TAF11: variants seen among roughly 807,000 people sequenced by gnomAD.
TAF11 encodes the protein TATA-box binding protein associated factor 11, also known as transcription initiation factor TFIID subunit 11.
TAF11 carries 10 observed loss-of-function variants against 23.0 expected under a neutral mutation model. The ratio of observed to expected loss-of-function variants is 0.43; its 90% CI spans 0.27 to 0.74. The LOEUF is 0.74. TAF11 is among the 30% of genes least tolerant of loss of function. TAF11 has a pLI of 0.19. For missense variants in TAF11, 196 were observed against 261.7 expected, an observed-to-expected ratio of 0.75 and a Z score of 1.73; for synonymous variants, 85 against 95.8, an observed-to-expected ratio of 0.89 and a Z score of 0.66.
rs1766475257 is a variant in TAF11, at chr6:34,883,262, T to C, written c.172-182A>G. The C allele has an allele frequency of 3.1e-5, 17 of 546,422 alleles. 1 individual carries two copies. In the South Asian group the frequency reaches 4.8e-4, roughly 15 times the overall value. 33.8% of individuals were successfully genotyped at this position (546,422 alleles called of 1,614,324 possible). ...ATCTCTCCTAAGGGAAGATTATGGCTCAGCTATGGAAAGAAAACCTGCTAA... is the reference window on the plus strand; with the variant it reads ...ATCTCTCCTAAGGGAAGATTATGGCCCAGCTATGGAAAGAAAACCTGCTAA... On this transcript the variant is annotated intron_variant, in intron 1 of 4. Coordinates refer to ENST00000361288, the MANE Select transcript of TAF11 (RefSeq NM_005643.4).
chr6:34,884,170 CCCATCAATGGT>C (rs1239889475), intron 1 of TAF11, among the ~76,000 whole-genome samples: 1 of 152,186 alleles, frequency 6.6e-6, no homozygotes, highest in African/African-American at 2.4e-5. Flanking sequence ...AACCTAAATG[CCCATCAATGGT>C]AGACTGGATA....
intron 1 of TAF11, among the ~76,000 whole-genome samples, chr6:34,885,096 G>T (rs1766505215): frequency 7.3e-6 from 1 of 137,206 alleles, no homozygotes; most frequent in Non-Finnish European, 1.5e-5. Flanking sequence ...GATTTATTTT[G>T]TTCTTTATCT....
At chr6:34,886,083 G>T (rs1285412242) in intron 1 of TAF11, among the ~76,000 whole-genome samples, 1 of 152,140 alleles carries the variant, frequency 6.6e-6, no homozygotes, top group East Asian at 1.9e-4. Flanking sequence ...AGCCGAGATT[G>T]CGCCATTGCA....
At position 34,887,999 on chromosome 6, in the gene TAF11, T is replaced by C. The variant is rs1267287328; in HGVS notation, c.-42A>G. The C allele has an allele frequency of 6.2e-7, 1 of 1,610,600 alleles. No individual in the cohort carries two copies. The highest frequency in any genetic ancestry group is 1.1e-5 in the South Asian group (1 of 90,978). On this transcript the variant is annotated 5_prime_UTR_variant, in exon 1 of 5. Transcript: ENST00000361288. ...GGGGAGAGGAGATCGCGGAGATGCCTGAGGCAGAAGCTCGGAAACCCGAGC... is the reference window on the plus strand; with the variant it reads ...GGGGAGAGGAGATCGCGGAGATGCCCGAGGCAGAAGCTCGGAAACCCGAGC...
rs908567848 is a variant in TAF11, at chr6:34,877,810, C to T, written c.*780G>A. The T allele has an allele frequency of 3.9e-5, 6 of 152,100 alleles. No homozygotes were observed. Among genetic ancestry groups the T allele is most frequent in the African/African-American group, 1.4e-4 (6 of 41,406 alleles). The allele number at this position is 152,100 out of a possible 1,614,324, so 9.4% of individuals were successfully genotyped here. On this transcript the variant is annotated 3_prime_UTR_variant, in exon 5 of 5. Transcript: ENST00000361288. ...GGAAAACAGTTTAATGATCACTCAC[C>T]AAAATCCACAGGAGAATCTTAAATG...
Position 34,882,959 on chromosome 6 carries a change from A to C in TAF11, c.293T>G (p.Val98Gly). Residue 98 changes from valine to glycine, a missense_variant, in exon 2 of 5, where the codon GTA becomes GGA. Val to Gly is a moderately radical substitution (Grantham distance 109, BLOSUM62 -3). Coordinates refer to ENST00000361288, the MANE Select transcript of TAF11 (RefSeq NM_005643.4). The part of the protein sequence containing the change: ...TKEKKEKKQK[V>G]DEDEIQKMQI... ...CATCTTCTGAATCTCATCTTCATCT[A>C]CTTTCTGCTTTTTCTCTTTCTTTTC... 6.2e-7 allele frequency: 1 copy of C among 1,608,108 alleles called. No individual in the cohort carries two copies. The highest frequency in any genetic ancestry group is 8.5e-7 in the Non-Finnish European group (1 of 1,178,226).
intron 2 of TAF11, among the ~76,000 whole-genome samples, chr6:34,882,326 G>A (rs900095170): frequency 2.8e-5 from 4 of 141,264 alleles, no homozygotes; most frequent in Non-Finnish European, 6.1e-5. Context: ...CAACGAGAGC[G>A]AAACTCTGTC....
chr6:34,881,615 TTATAGA>T (rs1350218034), intron 2 of TAF11, among the ~76,000 whole-genome samples: 1 of 152,170 alleles, frequency 6.6e-6, no homozygotes, highest in South Asian at 2.1e-4. Context: ...AAAAAAAAAT[TTATAGA>T]TATATATGTA....
intron 1 of TAF11, 54 bp from the exon 2 acceptor site, chr6:34,883,134 G>T: frequency 3.2e-6 from 5 of 1,558,326 alleles, no homozygotes; most frequent in Non-Finnish European, 4.3e-6. Context: ...CCAGGCTTGG[G>T]CAAAGTAAGA....
Position 34,882,952 on chromosome 6 carries a change from T to G in TAF11, c.300A>C (p.Glu100Asp). 6.2e-7 allele frequency: 1 copy of G among 1,606,628 alleles called. No individual in the cohort carries two copies. The change falls in exon 2 of 5, where the codon GAA (glutamate) becomes GAC (aspartate). Residue 100 changes from glutamate to aspartate, a missense_variant. By Grantham distance (45) the Glu-to-Asp change is conservative. Coordinates refer to ENST00000361288, the MANE Select transcript of TAF11 (RefSeq NM_005643.4). ...CTTACTGCATCTTCTGAATCTCATC[T>G]TCATCTACTTTCTGCTTTTTCTCTT... ...EKKEKKQKVD[E>D]DEIQKMQILV... is the part of the protein sequence containing the mutation.
chr6:34,885,671 C>G (rs1480430338), intron 1 of TAF11, among the ~76,000 whole-genome samples: 1 of 152,136 alleles, frequency 6.6e-6, no homozygotes, highest in Non-Finnish European at 1.5e-5. Flanking sequence ...TCCTTGACAC[C>G]TGTTTTAAAG....
At chr6:34,886,093 AC>A (rs1766519862) in intron 1 of TAF11, among the ~76,000 whole-genome samples, 2 of 152,308 alleles carry the variant, frequency 1.3e-5, no homozygotes, top group South Asian at 2.1e-4. Flanking sequence ...GCGCCATTGC[AC>A]TCCAGCCTGG....
intron 1 of TAF11, among the ~76,000 whole-genome samples, chr6:34,885,283 T>C (rs1489897392): frequency 6.6e-6 from 1 of 152,046 alleles, no homozygotes; most frequent in East Asian, 1.9e-4. Flanking sequence ...CTTCTGGCTG[T>C]TAATAAAAAT....
intron 2 of TAF11, among the ~76,000 whole-genome samples, chr6:34,882,667 A>AAACAT (rs760852965): frequency 5.9e-5 from 9 of 152,134 alleles, no homozygotes; most frequent in Admixed American, 4.6e-4. Flanking sequence ...ATAAAAAAAA[A>AAACAT]AACATAACAT....
intron 1 of TAF11, among the ~76,000 whole-genome samples, chr6:34,885,443 G>A (rs1302531762): frequency 1.3e-5 from 2 of 152,000 alleles, no homozygotes; most frequent in Non-Finnish European, 2.9e-5. Flanking sequence ...TGGGGGAGAA[G>A]CTTTTTGTAG....
Position 34,887,846 on chromosome 6 carries a change from C to G in TAF11, c.112G>C (p.Glu38Gln). ...ACATCTGCGTCTCCGTCAGTTTCCT[C>G]TGGGATTCCATCGGTGTCGGTAGCC... ...PGATDTDGIP[E>Q]ETDGDADVDL... Residue 38 changes from glutamate (E) to glutamine (Q), a missense_variant, in exon 1 of 5, where the codon GAG becomes CAG. Glu to Gln is a conservative substitution (Grantham distance 29, BLOSUM62 2). Transcript: ENST00000361288. 1.9e-6 allele frequency: 3 copies of G among 1,614,242 alleles called. No homozygotes were observed. The highest frequency in any genetic ancestry group is 2.5e-6 in the Non-Finnish European group (3 of 1,180,040).
intron 4 of TAF11, among the ~76,000 whole-genome samples, chr6:34,879,079 C>A (rs1766369376): frequency 6.6e-6 from 1 of 152,012 alleles, no homozygotes; most frequent in Non-Finnish European, 1.5e-5. Context: ...GTGGTGCGCA[C>A]CTGTGGTCTC....
chr6:34,878,404 A>G lies in TAF11; in HGVS notation c.*186T>C. 1 of 563,864 alleles carries G rather than the reference A, an allele frequency of 1.8e-6. No individual in the cohort carries two copies. Among genetic ancestry groups the G allele is most frequent in the Non-Finnish European group, 3.2e-6 (1 of 315,138 alleles). The allele number at this position is 563,864 out of a possible 1,614,324, so 34.9% of individuals were successfully genotyped here. On this transcript the variant is annotated 3_prime_UTR_variant, in exon 5 of 5. Coordinates refer to ENST00000361288, the MANE Select transcript of TAF11 (RefSeq NM_005643.4). ...CCCAAGAGGTCCCAAAATTTAGTCA[A>G]GGCAAGTATCAATCAGGCTACATAC...
intron 1 of TAF11, among the ~76,000 whole-genome samples, chr6:34,884,345 A>G (rs1182002468): frequency 6.6e-6 from 1 of 152,210 alleles, no homozygotes; most frequent in African/African-American, 2.4e-5. Flanking sequence ...GTTCTCACTA[A>G]TAAGTGGGAA....
Sources: gnomAD v4.1 joint callset for allele counts (sites outside exome capture counted in the v4.1 genomes callset) on GRCh38, gnomAD v4.1.1 for gene constraint, MANE v1.5 for transcripts, NCBI Gene and HGNC (gene_info 2026-07-23, HGNC 2026-07-21) for gene names.